SLC26A8: variants seen among roughly 807,000 people sequenced by gnomAD.
SLC26A8 encodes the protein testis anion transporter 1.
Under a neutral mutation model 105.0 loss-of-function variants are expected in SLC26A8, and 70 were observed. The observed-to-expected ratio is 0.67, with a 90% CI of 0.55 to 0.81. SLC26A8 has a LOEUF of 0.81. SLC26A8 is among the 40% of genes least tolerant of loss of function. The pLI is 0.00. For synonymous variants in SLC26A8, 415 were observed against 438.3 expected (o/e 0.95, Z 0.66); for missense variants, 998 against 1,181.8 (o/e 0.84, Z 2.28).
In SLC26A8 at chr6:35,981,724, G is replaced by A. The variant is rs986055125; in HGVS notation, c.1025+397C>T. Among the ~76,000 whole-genome samples the A allele has an allele frequency of 2.0e-5, 3 of 152,106 alleles. No individual in the cohort carries two copies. The highest frequency in any genetic ancestry group is 7.2e-5 in the African/African-American group (3 of 41,406). On this transcript the variant is annotated intron_variant, in intron 8 of 19. Transcript: ENST00000490799. This position sits in a 1 kb window ranked among gnomAD's most constrained non-coding sequence, Gnocchi z 4.0. ...TAGTCTAAGTTTGTGAAGGCAAAAG[G>A]AACGTTCATCTTCTGAACACAGAGC...
chr6:35,962,278 T>C (rs1364065134), intron 12 of SLC26A8, among the ~76,000 whole-genome samples: 1 of 152,186 alleles, frequency 6.6e-6, no homozygotes, highest in Non-Finnish European at 1.5e-5. Flanking sequence ...AAACCCTTTT[T>C]GCTAGATTTG....
chr6:35,948,014 A>G (rs1771734147), intron 19 of SLC26A8, among the ~76,000 whole-genome samples: 1 of 152,248 alleles, frequency 6.6e-6, no homozygotes, highest in Admixed American at 6.5e-5. Context: ...TGAATGAAAC[A>G]TTTAAGAAGA....
intron 16 of SLC26A8, 73 bp downstream of exon 16, chr6:35,959,387 T>C: frequency 2.7e-6 from 4 of 1,484,322 alleles, no homozygotes; most frequent in Non-Finnish European, 3.6e-6. Flanking sequence ...TTTGATTTTT[T>C]TTTTAAGAAA....
At chr6:36,007,953 T>C (rs1468346499) in intron 3 of SLC26A8, among the ~76,000 whole-genome samples, 3 of 151,678 alleles carry the variant, frequency 2.0e-5, no homozygotes, top group Non-Finnish European at 2.9e-5. Context: ...ACCACGTGTC[T>C]ACTAAAAATA....
intron 17 of SLC26A8, among the ~76,000 whole-genome samples, chr6:35,953,932 A>G (rs1581625899): frequency 6.6e-6 from 1 of 152,304 alleles, no homozygotes; most frequent in East Asian, 1.9e-4. Flanking sequence ...AAAATATGAC[A>G]AAATAGGTTC....
At chr6:35,985,980 G>C (rs1011535218) in intron 7 of SLC26A8, among the ~76,000 whole-genome samples, 4 of 149,840 alleles carry the variant, frequency 2.7e-5, no homozygotes, top group Non-Finnish European at 5.9e-5. Flanking sequence ...ATTGTGGCAT[G>C]GCTGAATCGA....
chr6:35,987,741 T>A (rs538497831), intron 7 of SLC26A8, among the ~76,000 whole-genome samples: 1 of 152,204 alleles, frequency 6.6e-6, no homozygotes, highest in Non-Finnish European at 1.5e-5. Context: ...CTTGCACCTA[T>A]TCACCTCTAC....
chr6:35,959,826 G>T lies in SLC26A8; in HGVS notation c.1639-20C>A, dbSNP rs777272755. ...GATGATCTGCAAGACAAAATGTGAA[G>T]TTGAGGGAAATTTCTCAGTTATTTT... On this transcript the variant is annotated intron_variant, in intron 14 of 19. Coordinates refer to ENST00000490799, the MANE Select transcript of SLC26A8 (RefSeq NM_052961.4). 4.5e-6 allele frequency: 7 copies of T among 1,572,986 alleles called. No homozygotes were observed. Among genetic ancestry groups the T allele is most frequent in the Non-Finnish European group, 6.1e-6 (7 of 1,148,984 alleles).
At chr6:35,993,189 A>AG (rs1293886316) in intron 5 of SLC26A8, among the ~76,000 whole-genome samples, 574 of 47,082 alleles carry the variant, frequency 0.012, 50 homozygotes, top group East Asian at 0.078. Flanking sequence ...TAGAGATTGG[A>AG]GGGGGGGGTC....
chr6:35,998,728 C>G (rs1261312039), intron 4 of SLC26A8, among the ~76,000 whole-genome samples: 1 of 151,880 alleles, frequency 6.6e-6, no homozygotes, highest in African/African-American at 2.4e-5. Flanking sequence ...TTAAATTTAC[C>G]TAACATAAAT....
intron 11 of SLC26A8, among the ~76,000 whole-genome samples, chr6:35,968,026 T>G (rs532574107): frequency 1.1e-3 from 165 of 152,112 alleles, no homozygotes; most frequent in African/African-American, 3.9e-3. Flanking sequence ...TTTTATATTT[T>G]TAGTAGAGAC....
intron 6 of SLC26A8, 24 bp from the exon 7 acceptor site, chr6:35,991,832 G>A: frequency 6.4e-7 from 1 of 1,555,196 alleles, no homozygotes; most frequent in East Asian, 2.3e-5. Context: ...AAATTACGGA[G>A]GCTTAGAAAG....
chr6:36,003,152 T>C (rs1444112390), intron 3 of SLC26A8, among the ~76,000 whole-genome samples: 3 of 152,354 alleles, frequency 2.0e-5, no homozygotes, highest in East Asian at 3.9e-4. Flanking sequence ...CATAAAGATA[T>C]TCTCTTATGT....
At chr6:35,968,589 A>ATGTGTGTGAAATATACATATGTG (rs1554163640) in intron 11 of SLC26A8, among the ~76,000 whole-genome samples, 1 of 61,416 alleles carries the variant, frequency 1.6e-5, no homozygotes, top group African/African-American at 5.4e-5. Context: ...ATATGTGTGT[A>ATGTGTGTGAAATATACATATGTG]TGTGTGTGTG....
At chr6:36,017,214 A>AG (rs1300683712) in intron 2 of SLC26A8, among the ~76,000 whole-genome samples, 5 of 110,176 alleles carry the variant, frequency 4.5e-5, no homozygotes, top group East Asian at 2.3e-4. Context: ...AGGAAGGAGA[A>AG]AAGAAAAGAA....
intron 9 of SLC26A8, among the ~76,000 whole-genome samples, chr6:35,976,549 GCTTTT>G (rs765615196): frequency 7.2e-6 from 1 of 139,828 alleles, no homozygotes; most frequent in East Asian, 2.0e-4. Flanking sequence ...AGAAGCCCTC[GCTTTT>G]TTTTTTTTTT....
intron 14 of SLC26A8, 108 bp from the exon 15 acceptor site, chr6:35,959,914 T>A: frequency 1.1e-6 from 1 of 921,026 alleles, no homozygotes; most frequent in Non-Finnish European, 1.6e-6. Context: ...TTTTTTATTT[T>A]TTTATTTTTT....
chr6:35,960,733 G>A (rs1358785716), intron 14 of SLC26A8, 110 bp downstream of exon 14: 2 of 977,526 alleles, frequency 2.0e-6, no homozygotes, highest in African/African-American at 3.3e-5. Context: ...TTGTAAATGT[G>A]TATCTGCAGT....
chr6:35,963,387 C>T (rs539430752), intron 11 of SLC26A8, among the ~76,000 whole-genome samples: 24 of 152,280 alleles, frequency 1.6e-4, no homozygotes, highest in South Asian at 6.2e-4. Flanking sequence ...TGCTGAAACT[C>T]GTTTTACAAC....
Sources: allele counts gnomAD v4.1 joint callset (sites outside exome capture counted in the v4.1 genomes callset), GRCh38; gene constraint gnomAD v4.1.1; non-coding constraint Gnocchi (gnomAD v3.1); transcripts MANE v1.5; gene names NCBI Gene and HGNC (gene_info 2026-07-23, HGNC 2026-07-21).